The following RAB3GAP2 variants were observed in gnomAD, a reference collection of about 807,000 sequenced individuals.
The protein encoded by RAB3GAP2 is RAB3 GTPase activating non-catalytic protein subunit 2.
Under a neutral mutation model 185.3 loss-of-function variants are expected in RAB3GAP2, and 87 were observed. The observed-to-expected ratio is 0.47, with a 90% CI of 0.39 to 0.56. The LOEUF (loss-of-function observed/expected upper bound fraction) is 0.56. Ranked by LOEUF, RAB3GAP2 falls within the 20% of genes least tolerant of loss-of-function variation. RAB3GAP2 has a pLI of 0.00. For synonymous variants in RAB3GAP2, 554 were observed against 576.1 expected (o/e 0.96, Z 0.55); for missense variants, 1,492 against 1,638.2 (o/e 0.91, Z 1.54).
Position 220,213,941 on chromosome 1 carries a change from G to A in RAB3GAP2, c.219C>T (p.Ser73=), listed in dbSNP as rs753009542. 3 of 1,613,386 alleles carry A rather than the reference G, an allele frequency of 1.9e-6. No homozygotes were observed. Among genetic ancestry groups the A allele is most frequent in the South Asian group, 2.2e-5 (2 of 91,062 alleles). Residue 73 remains serine (S), a synonymous_variant, in exon 3 of 35, where the codon TCC becomes TCT. Coordinates refer to ENST00000358951, the MANE Select transcript of RAB3GAP2 (RefSeq NM_012414.4). ...AGGATAAAACACAATCTTGGAGCCA[G>A]GAAGTTTTTTGTGTTTTGCAAGTAT... is the stretch of plus-strand genomic sequence containing the variant. ...EGNTCKTQKT[S]WLQDCVLSLS...
In RAB3GAP2 at chr1:220,151,214, A is replaced by G; in HGVS notation, c.*37T>C. On this transcript the variant is annotated 3_prime_UTR_variant, in exon 35 of 35. Coordinates refer to ENST00000358951, the MANE Select transcript of RAB3GAP2 (RefSeq NM_012414.4). ...AAATAACCATGCACTACTTCATGTT[A>G]TAATCATAATTTTAGACTATTTCCA... 1.3e-6 allele frequency: 2 copies of G among 1,594,324 alleles called. No individual in the cohort carries two copies. The highest frequency in any genetic ancestry group is 1.7e-6 in the Non-Finnish European group (2 of 1,163,346).
At chr1:220,249,040 C>A (rs1426730099) in intron 1 of RAB3GAP2, among the ~76,000 whole-genome samples, 1 of 152,258 alleles carries the variant, frequency 6.6e-6, no homozygotes, top group South Asian at 2.1e-4. Context: ...AGCATGAGAA[C>A]AAACTAATAC....
At chr1:220,214,946 TTATATATA>T (rs10526805) in intron 2 of RAB3GAP2, among the ~76,000 whole-genome samples, 2,600 of 89,622 alleles carry the variant, frequency 0.029, 130 homozygotes, top group Middle Eastern at 0.097. Context: ...AATAGTAGCA[TTATATATA>T]TATATATATA....
chr1:220,175,881 A>T (rs1405058864), intron 21 of RAB3GAP2, among the ~76,000 whole-genome samples: 2 of 152,176 alleles, frequency 1.3e-5, no homozygotes, highest in Non-Finnish European at 2.9e-5. Context: ...GTTTTCTATA[A>T]ACATTAAAAC....
At chr1:220,206,148 A>C (rs1376548311) in intron 7 of RAB3GAP2, 142 bp from the exon 8 acceptor site, 4 of 598,898 alleles carry the variant, frequency 6.7e-6, no homozygotes, top group Non-Finnish European at 1.2e-5. Flanking sequence ...AAAAATAGAT[A>C]AAAAATTAAT....
intron 1 of RAB3GAP2, among the ~76,000 whole-genome samples, chr1:220,270,119 G>T (rs1000275265): frequency 2.6e-5 from 4 of 152,002 alleles, no homozygotes; most frequent in African/African-American, 4.8e-5. Flanking sequence ...TTTCTTACCT[G>T]ACCCCTGCTG....
intron 2 of RAB3GAP2, among the ~76,000 whole-genome samples, chr1:220,223,520 T>C (rs946010154): frequency 2.0e-5 from 3 of 152,142 alleles, no homozygotes; most frequent in African/African-American, 7.2e-5. Flanking sequence ...ATTAAAACAC[T>C]GAAATGGCAT....
In RAB3GAP2 at chr1:220,190,134, A is replaced by T. The variant is rs371179249; in HGVS notation, c.1644T>A (p.Ser548Arg). The change falls in exon 16 of 35, where the codon AGT becomes AGA. Residue 548 changes from serine to arginine, a missense_variant. This residue lies in a region of RAB3GAP2 where 681 missense variants were observed against 689.1 expected (regional missense o/e 0.99). Transcript: ENST00000358951. ...CTAGGTGCATATCCTTGGCTCGTTC[A>T]CTCTTCTTATCACTAAACCAATAAA... ...PFHLALSDKK[S>R]ERAKDMHLVK... is the part of the protein sequence containing the mutation. The T allele has an allele frequency of 5.0e-6, 8 of 1,612,458 alleles. No homozygotes were observed. The Admixed American group carries it at 6.7e-5, about 13-fold the overall frequency.
intron 8 of RAB3GAP2, among the ~76,000 whole-genome samples, chr1:220,205,607 G>A (rs1288228764): frequency 1.3e-5 from 2 of 152,188 alleles, no homozygotes; most frequent in Non-Finnish European, 2.9e-5. Flanking sequence ...GGTTGTCAAT[G>A]TTGGTTGCAA....
At chr1:220,236,663 C>T (rs765954757) in intron 1 of RAB3GAP2, among the ~76,000 whole-genome samples, 6 of 149,254 alleles carry the variant, frequency 4.0e-5, no homozygotes, top group Non-Finnish European at 7.4e-5. Flanking sequence ...GCAGGTCAAG[C>T]ACATTCTTTA....
At position 220,212,872 on chromosome 1, in the gene RAB3GAP2, T is replaced by C. The variant is rs748282685; in HGVS notation, c.386+15A>G. ...CATGTAACACACAGAGAAACAAAAATTAACTGGCACCTACCCTTCTTCGAC... is the reference window on the plus strand; with the variant it reads ...CATGTAACACACAGAGAAACAAAAACTAACTGGCACCTACCCTTCTTCGAC... On this transcript the variant is annotated intron_variant, in intron 4 of 34. Coordinates refer to ENST00000358951, the MANE Select transcript of RAB3GAP2 (RefSeq NM_012414.4). 1.9e-6 allele frequency: 3 copies of C among 1,600,520 alleles called. No individual in the cohort carries two copies. In the East Asian group the frequency reaches 6.7e-5, roughly 36 times the overall value.
chr1:220,185,682 A>G lies in RAB3GAP2; in HGVS notation c.1839T>C (p.Thr613=). The G allele has an allele frequency of 6.2e-7, 1 of 1,612,266 alleles. No homozygotes were observed. Among genetic ancestry groups the G allele is most frequent in the Non-Finnish European group, 8.5e-7 (1 of 1,178,636 alleles). Reference sequence around the variant, plus strand: ...TTTTTAAAGTGTCCATTAAAGTCTGAGTGATGTTTCTAAGGCAAGAAAATG... The same window carrying G: ...TTTTTAAAGTGTCCATTAAAGTCTGGGTGATGTTTCTAAGGCAAGAAAATG... The part of the protein sequence containing the change: ...RLPFSCLRNI[T]QTLMDTLKSQ... The change falls in exon 18 of 35, where the codon ACT becomes ACC. Residue 613 remains threonine, a synonymous_variant. Transcript: ENST00000358951.
intron 33 of RAB3GAP2, among the ~76,000 whole-genome samples, chr1:220,152,660 CTACTG>C (rs951571477): frequency 2.3e-4 from 35 of 152,284 alleles, no homozygotes; most frequent in South Asian, 1.0e-3. Flanking sequence ...TCTGACCACT[CTACTG>C]TAGTGGCTCC....
chr1:220,196,428 T>C (rs1487897643), intron 9 of RAB3GAP2, 30 bp from the exon 10 acceptor site: 1 of 1,550,870 alleles, frequency 6.4e-7, no homozygotes. Context: ...GATTTGAATG[T>C]ACAATGTTAT....
In RAB3GAP2 at chr1:220,154,050, T is replaced by G. The variant is rs749173523; in HGVS notation, c.3563A>C (p.Asn1188Thr). 7 of 1,613,172 alleles carry G rather than the reference T, an allele frequency of 4.3e-6. No individual in the cohort carries two copies. The Admixed American group carries it at 1.2e-4, about 27-fold the overall frequency. The stretch of plus-strand genomic sequence containing the variant: ...TGAAGTTAGGTCTTTGAAAAATGCA[T>G]TTTTTCCCTAAAAAGAAAGAGAGCA... ...PLSLFDSKGK[N>T]AFFKDLTSIQ... is the part of the protein sequence containing the mutation. Residue 1188 changes from asparagine to threonine, a missense_variant, in exon 32 of 35, where the codon AAT becomes ACT. Physicochemically the swap from Asn to Thr is moderately conservative, Grantham distance 65 (BLOSUM62 0). This residue lies in a region of RAB3GAP2 where 387 missense variants were observed against 455.3 expected (regional missense o/e 0.85). Coordinates refer to ENST00000358951, the MANE Select transcript of RAB3GAP2 (RefSeq NM_012414.4).
At chr1:220,196,060 A>G (rs1658716893) in intron 10 of RAB3GAP2, 190 bp downstream of exon 10, 6 of 644,722 alleles carry the variant, frequency 9.3e-6, no homozygotes, top group Non-Finnish European at 1.3e-5. Context: ...TTTTATACTG[A>G]TGGTAGTACC....
chr1:220,203,051 G>C (rs7551804), intron 8 of RAB3GAP2, among the ~76,000 whole-genome samples: 36,274 of 152,174 alleles, frequency 0.24, 4,601 homozygotes, highest in East Asian at 0.34. Flanking sequence ...CTAGGGATAG[G>C]AATCAGTGCT....
chr1:220,245,204 C>T (rs2667962), intron 1 of RAB3GAP2, among the ~76,000 whole-genome samples: 6,333 of 152,248 alleles, frequency 0.042, 441 homozygotes, highest in African/African-American at 0.14. Context: ...TCTACAGCTC[C>T]CAGCATGAGT....
At chr1:220,157,656 A>C in intron 30 of RAB3GAP2, 146 bp downstream of exon 30, 1 of 1,017,636 alleles carries the variant, frequency 9.8e-7, no homozygotes, top group Non-Finnish European at 1.5e-6. Flanking sequence ...ATAAGAAAAC[A>C]TCACTACCTT....
Sources: allele counts gnomAD v4.1 joint callset (sites outside exome capture counted in the v4.1 genomes callset), GRCh38; gene constraint gnomAD v4.1.1; regional missense constraint gnomAD v4.1.1; transcripts MANE v1.5; gene names NCBI Gene and HGNC (gene_info 2026-07-23, HGNC 2026-07-21).